Variants in CDIN1 observed in about 807,000 individuals in gnomAD.
CDIN1 encodes the protein CDAN1-interacting nuclease 1.
A neutral mutation model predicts 45.3 loss-of-function variants in CDIN1; 33 were observed. The ratio of observed to expected loss-of-function variants is 0.73; its 90% CI spans 0.55 to 0.97. The LOEUF (loss-of-function observed/expected upper bound fraction) is 0.97. CDIN1 is among the 50% of genes least tolerant of loss of function. The probability of loss-of-function intolerance (pLI) is 0.00; values close to 1 mark genes in which losing one functional copy is unlikely to be tolerated. For synonymous variants in CDIN1, 118 were observed against 124.4 expected (o/e 0.95, Z 0.34); for missense variants, 303 against 339.4 (o/e 0.89, Z 0.84).
chr15:36,622,397 T>C (rs2140316496), intron 1 of CDIN1, among the ~76,000 whole-genome samples: 1 of 152,224 alleles, frequency 6.6e-6, no homozygotes, highest in African/African-American at 2.4e-5. Context: ...CATGCCATTG[T>C]GGAGTAGAGA....
At chr15:36,619,517 A>G (rs892592799) in intron 1 of CDIN1, among the ~76,000 whole-genome samples, 10 of 150,732 alleles carry the variant, frequency 6.6e-5, no homozygotes, top group Non-Finnish European at 8.9e-5. Context: ...CTATCTATCT[A>G]TCCATCCATC....
intron 10 of CDIN1, among the ~76,000 whole-genome samples, chr15:36,770,738 C>G (rs937541073): frequency 2.6e-5 from 4 of 152,120 alleles, no homozygotes; most frequent in African/African-American, 7.2e-5. Flanking sequence ...CGTGAGCCAC[C>G]ACGCCGAGCC....
Position 36,654,215 on chromosome 15 carries a change from A to G in CDIN1, c.273+57A>G, listed in dbSNP as rs117991970. 3.4e-4 allele frequency: 465 copies of G among 1,373,938 alleles called. 6 individuals are homozygous for G. The East Asian group carries it at 8.4e-3, about 25-fold the overall frequency. The allele number at this position is 1,373,938 out of a possible 1,614,324, so 85.1% of individuals were successfully genotyped here. ...TGCGTGTAACCTAAGGGGCCTATCT[A>G]GAGTAACTTTGCTTACAATTATAAC... is the stretch of plus-strand genomic sequence containing the variant. On this transcript the variant is annotated intron_variant, in intron 4 of 10. Coordinates refer to ENST00000566621, the MANE Select transcript of CDIN1 (RefSeq NM_001321759.2).
chr15:36,634,438 A>G (rs1487647913), intron 1 of CDIN1, among the ~76,000 whole-genome samples: 1 of 152,142 alleles, frequency 6.6e-6, no homozygotes, highest in Non-Finnish European at 1.5e-5. Flanking sequence ...CAACAACAAC[A>G]AAAAGTTTTA....
At chr15:36,731,382 C>T (rs1437605628) in intron 10 of CDIN1, among the ~76,000 whole-genome samples, 1 of 152,060 alleles carries the variant, frequency 6.6e-6, no homozygotes, top group African/African-American at 2.4e-5. Flanking sequence ...TCTACGATTA[C>T]TTTACTGTCA....
intron 5 of CDIN1, among the ~76,000 whole-genome samples, chr15:36,685,736 A>G (rs1682097004): frequency 1.3e-5 from 2 of 152,212 alleles, no homozygotes; most frequent in South Asian, 4.1e-4. Flanking sequence ...AACCCCATCA[A>G]AAAGTGGGCA....
intron 10 of CDIN1, among the ~76,000 whole-genome samples, chr15:36,801,259 C>T (rs2141130523): frequency 6.6e-6 from 1 of 151,974 alleles, no homozygotes; most frequent in East Asian, 1.9e-4. Context: ...TCCGTGATTA[C>T]AGGTAGAGAG....
chr15:36,686,953 G>T (rs1378620424), intron 5 of CDIN1, among the ~76,000 whole-genome samples: 2 of 143,220 alleles, frequency 1.4e-5, no homozygotes, highest in African/African-American at 5.2e-5. Flanking sequence ...GGAAAAGATA[G>T]GAAGGAAGGA....
chr15:36,735,855 G>A (rs920016733), intron 10 of CDIN1, among the ~76,000 whole-genome samples: 2 of 152,134 alleles, frequency 1.3e-5, no homozygotes, highest in Non-Finnish European at 1.5e-5. Context: ...TCATTTGCAA[G>A]TAATAAACAT....
chr15:36,586,525 A>G (rs1427068303), intron 1 of CDIN1, among the ~76,000 whole-genome samples: 3 of 152,212 alleles, frequency 2.0e-5, no homozygotes, highest in African/African-American at 7.2e-5. Context: ...CATGTGGTCT[A>G]TAATAGTGTG....
At position 36,588,993 on chromosome 15, in the gene CDIN1, T is replaced by C. The variant is rs148857515; in HGVS notation, c.101+9032T>C. 8.2e-3 allele frequency among the ~76,000 whole-genome samples: 1,254 copies of C among 152,306 alleles called. 18 individuals carry two copies. The highest frequency in any genetic ancestry group is 0.029 in the African/African-American group (1,218 of 41,568). ...GAATATTGGCTTTATTTAAAAAATC[T>C]ATATTCAGGCATCAAACTTTAGTTT... On this transcript the variant is annotated intron_variant, in intron 1 of 10. Coordinates refer to ENST00000566621, the MANE Select transcript of CDIN1 (RefSeq NM_001321759.2).
At chr15:36,614,233 C>T in intron 1 of CDIN1, 1 of 620,990 alleles carries the variant, frequency 1.6e-6, no homozygotes, top group Non-Finnish European at 3.1e-6. Flanking sequence ...GCTGCTCCTC[C>T]CTCTGACCCT....
At chr15:36,689,219 T>C (rs1418375146) in intron 5 of CDIN1, among the ~76,000 whole-genome samples, 1 of 152,220 alleles carries the variant, frequency 6.6e-6, no homozygotes, top group Non-Finnish European at 1.5e-5. Flanking sequence ...ATCAGTTTAT[T>C]TTTTCTTTTG....
intron 8 of CDIN1, chr15:36,704,872 CAAAACA>C (rs1210337768): frequency 2.0e-5 from 3 of 152,130 alleles, no homozygotes; most frequent in Non-Finnish European, 2.9e-5. Context: ...TTTAATAAAA[CAAAACA>C]AATTTAAAGC....
intron 10 of CDIN1, among the ~76,000 whole-genome samples, chr15:36,762,128 C>T (rs72708623): frequency 0.1 from 15,319 of 151,870 alleles, 914 homozygotes; most frequent in Non-Finnish European, 0.14. Flanking sequence ...GATTTGAAGC[C>T]TTAGGATTCA....
intron 5 of CDIN1, among the ~76,000 whole-genome samples, chr15:36,674,835 C>G (rs1383381534): frequency 4.6e-5 from 7 of 152,018 alleles, no homozygotes. Context: ...CGTCCTAACT[C>G]AAGGGGAAAA....
intron 1 of CDIN1, among the ~76,000 whole-genome samples, chr15:36,596,918 T>C (rs1448609497): frequency 6.6e-6 from 1 of 152,228 alleles, no homozygotes; most frequent in East Asian, 1.9e-4. Context: ...AAATGCATAT[T>C]ATTATAAAAA....
chr15:36,599,253 G>A (rs1332102536), intron 1 of CDIN1, among the ~76,000 whole-genome samples: 3 of 152,068 alleles, frequency 2.0e-5, no homozygotes, highest in Non-Finnish European at 4.4e-5. Context: ...AAAATATTCA[G>A]TAGGCAGCTA....
At chr15:36,640,981 T>A (rs968813149) in intron 1 of CDIN1, among the ~76,000 whole-genome samples, 1 of 152,192 alleles carries the variant, frequency 6.6e-6, no homozygotes, top group Non-Finnish European at 1.5e-5. Flanking sequence ...CAGTTTAGGA[T>A]CTCTAGGCAC....
Sources: allele counts gnomAD v4.1 joint callset (sites outside exome capture counted in the v4.1 genomes callset), GRCh38; gene constraint gnomAD v4.1.1; transcripts MANE v1.5; gene names NCBI Gene and HGNC (gene_info 2026-07-23, HGNC 2026-07-21).